Variants in IL20RA observed in about 807,000 individuals in gnomAD.
IL20RA encodes interleukin-20 receptor subunit alpha.
A neutral mutation model predicts 36.5 loss-of-function variants in IL20RA; 29 were observed. The ratio of observed to expected loss-of-function variants is 0.79; its 90% CI spans 0.59 to 1.08. The LOEUF (loss-of-function observed/expected upper bound fraction) is 1.08, where lower values mean the gene tolerates loss of function less well. Ranked by LOEUF, IL20RA falls within the 50% of genes least tolerant of loss-of-function variation. The pLI, the probability that IL20RA is intolerant of heterozygous loss-of-function variation, is 0.00. For missense variants in IL20RA, 652 were observed against 668.4 expected (o/e 0.98, Z 0.27); for synonymous variants, 279 against 267.1 (o/e 1.04, Z -0.43).
chr6:137,027,297 G>A (rs1445876328), intron 1 of IL20RA, among the ~76,000 whole-genome samples: 2 of 152,214 alleles, frequency 1.3e-5, no homozygotes, highest in African/African-American at 4.8e-5. Flanking sequence ...GCTAGCATTA[G>A]TTCCGTTGCA....
chr6:137,002,048 G>T lies in IL20RA; in HGVS notation c.1172C>A (p.Thr391Lys). 1.2e-6 allele frequency: 2 copies of T among 1,614,168 alleles called. No individual in the cohort carries two copies. The highest frequency in any genetic ancestry group is 1.1e-5 in the South Asian group (1 of 91,078). Residue 391 changes from threonine to lysine, a missense_variant, in exon 7 of 7, where the codon ACA becomes AAA. Physicochemically the swap from Thr to Lys is moderately conservative, Grantham distance 78 (BLOSUM62 -1). Coordinates refer to ENST00000316649, the MANE Select transcript of IL20RA (RefSeq NM_014432.4). ...SLTQQESLSR[T>K]IPPDKTVIEY... ...AATGACTGTTTTATCCGGGGGTATT[G>T]TTCTGCTGAGGGACTCTTGCTGGGT...
At position 137,001,905 on chromosome 6, in the gene IL20RA, C is replaced by A. The variant is rs1775065987; in HGVS notation, c.1315G>T (p.Ala439Ser). ...TGTAACGTTTGCGGGCCCAAGACTG[C>A]CAACGCTGCCTGCGACTCCAATAAT... ...GTLLESQAAL[A>S]VLGPQTLQYS... The change falls in exon 7 of 7, where the codon GCA becomes TCA. Residue 439 changes from alanine (A) to serine (S), a missense_variant. Physicochemically the swap from Ala to Ser is moderately conservative, Grantham distance 99 (BLOSUM62 1). Coordinates refer to ENST00000316649, the MANE Select transcript of IL20RA (RefSeq NM_014432.4). The A allele has an allele frequency of 6.2e-7, 1 of 1,613,834 alleles. No individual in the cohort carries two copies. Among genetic ancestry groups the A allele is most frequent in the Non-Finnish European group, 8.5e-7 (1 of 1,179,948 alleles).
At position 137,008,695 on chromosome 6, in the gene IL20RA, G is replaced by A; in HGVS notation, c.628C>T (p.Pro210Ser). The A allele has an allele frequency of 6.2e-7, 1 of 1,606,728 alleles. No homozygotes were observed. The highest frequency in any genetic ancestry group is 8.5e-7 in the Non-Finnish European group (1 of 1,176,624). The part of the protein sequence containing the change: ...NHTLVLTWLE[P>S]NTLYCVHVES... ...ACGTGTACGCAGTAAAGAGTGTTCG[G>A]CTCCAGCCAGGTGAGCACCAGCGTG... The change falls in exon 5 of 7, where the codon CCG (proline) becomes TCG (serine). Residue 210 changes from proline (P) to serine (S), a missense_variant. Pro to Ser is a moderately conservative substitution (Grantham distance 74). Coordinates refer to ENST00000316649, the MANE Select transcript of IL20RA (RefSeq NM_014432.4).
intron 5 of IL20RA, among the ~76,000 whole-genome samples, chr6:137,007,340 A>G (rs1775314708): frequency 6.6e-6 from 1 of 152,242 alleles, no homozygotes. Context: ...ACAGGTACTC[A>G]CAAAGTTCCC....
intron 1 of IL20RA, among the ~76,000 whole-genome samples, chr6:137,042,293 C>T (rs1582845567): frequency 6.6e-6 from 1 of 152,120 alleles, no homozygotes; most frequent in African/African-American, 2.4e-5. Flanking sequence ...CAGGAGTTGG[C>T]CACACAGGAT....
At chr6:137,006,006 A>C (rs1775264418) in intron 5 of IL20RA, among the ~76,000 whole-genome samples, 1 of 152,138 alleles carries the variant, frequency 6.6e-6, no homozygotes, top group African/African-American at 2.4e-5. Flanking sequence ...TTCTCTGGAG[A>C]ATCCTGACTG....
chr6:137,042,958 C>T (rs1776755998), intron 1 of IL20RA: 2 of 152,202 alleles, frequency 1.3e-5, no homozygotes, highest in Middle Eastern at 3.4e-3. Flanking sequence ...ACGGGAATAC[C>T]CTAAGAAGAG....
At chr6:137,014,816 G>A (rs116183522) in intron 2 of IL20RA, among the ~76,000 whole-genome samples, 66 of 151,828 alleles carry the variant, frequency 4.3e-4, no homozygotes, top group African/African-American at 1.6e-3. Context: ...TGAATTCCAT[G>A]CATGCTACCA....
intron 1 of IL20RA, among the ~76,000 whole-genome samples, chr6:137,021,903 A>G (rs1381047941): frequency 6.6e-6 from 1 of 152,118 alleles, no homozygotes; most frequent in Non-Finnish European, 1.5e-5. Context: ...TAACAGCCCT[A>G]TGGTAGGTAC....
intron 1 of IL20RA, among the ~76,000 whole-genome samples, chr6:137,033,300 A>G (rs1776363717): frequency 6.6e-6 from 1 of 152,222 alleles, no homozygotes; most frequent in Non-Finnish European, 1.5e-5. Context: ...CAAGGACACC[A>G]GTCCACCCTA....
At chr6:137,022,675 T>A (rs1371501270) in intron 1 of IL20RA, among the ~76,000 whole-genome samples, 1 of 152,226 alleles carries the variant, frequency 6.6e-6, no homozygotes, top group East Asian at 1.9e-4. Context: ...TACTTCAGAA[T>A]GTGACCTATT....
rs1033353293 is a variant in IL20RA at position 137,011,166 on chromosome 6, A to G, written c.403+108T>C. On this transcript the variant is annotated intron_variant, in intron 3 of 6. Coordinates refer to ENST00000316649, the MANE Select transcript of IL20RA (RefSeq NM_014432.4). The stretch of plus-strand genomic sequence containing the variant: ...CACTCAACCCACTGGTCCAGAATAC[A>G]GCCAAGCAGAGTACCTTCCTCTGGG... The G allele has an allele frequency of 1.5e-5, 13 of 866,342 alleles. No individual in the cohort carries two copies. In the African/African-American group the frequency reaches 2.0e-4, roughly 13 times the overall value. The allele number at this position is 866,342 out of a possible 1,614,324, so 53.7% of individuals were successfully genotyped here.
Position 137,044,758 on chromosome 6 carries a change from G to T in IL20RA, c.-30C>A. Reference sequence around the variant, plus strand: ...GGCGGGGCTGGGTCACATGTCGGGGGGCAGCAGACTGCTCAGTCCCACGCC... The same window carrying T: ...GGCGGGGCTGGGTCACATGTCGGGGTGCAGCAGACTGCTCAGTCCCACGCC... On this transcript the variant is annotated 5_prime_UTR_variant, in exon 1 of 7. Transcript: ENST00000316649. The T allele has an allele frequency of 8.3e-7, 1 of 1,211,868 alleles. No homozygotes were observed. Among genetic ancestry groups the T allele is most frequent in the African/African-American group, 1.6e-5 (1 of 63,614 alleles). 75.1% of individuals were successfully genotyped at this position (1,211,868 alleles called of 1,614,324 possible). A position where few individuals can be genotyped will look rare whatever the true frequency, so the allele number is the denominator to read the frequency against.
In IL20RA at chr6:137,008,733, C is replaced by T; in HGVS notation, c.590G>A (p.Cys197Tyr). Residue 197 changes from cysteine to tyrosine, a missense_variant, in exon 5 of 7, where the codon TGT becomes TAT. Cys to Tyr is a radical substitution (Grantham distance 194). Coordinates refer to ENST00000316649, the MANE Select transcript of IL20RA (RefSeq NM_014432.4). ...NTKSNRTWSQCVTNHTLVLTW... is the reference protein window; with the variant it reads ...NTKSNRTWSQYVTNHTLVLTW... The stretch of plus-strand genomic sequence containing the variant: ...GAGCACCAGCGTGTGGTTGGTCACA[C>T]ACTGGGACCACTAGGATAGGGAATT... 1 of 1,596,942 alleles carries T rather than the reference C, an allele frequency of 6.3e-7. No homozygotes were observed. Among genetic ancestry groups the T allele is most frequent in the Non-Finnish European group, 8.5e-7 (1 of 1,172,178 alleles).
chr6:137,017,500 C>T (rs952500676), intron 1 of IL20RA, among the ~76,000 whole-genome samples: 2 of 152,248 alleles, frequency 1.3e-5, no homozygotes, highest in South Asian at 4.1e-4. Context: ...GTGAGATCAG[C>T]AGAAGAATCA....
At chr6:137,035,758 G>T (rs1188339612) in intron 1 of IL20RA, among the ~76,000 whole-genome samples, 2 of 152,226 alleles carry the variant, frequency 1.3e-5, no homozygotes, top group Non-Finnish European at 2.9e-5. Context: ...ATTATGGGCT[G>T]CATGTGATAT....
chr6:137,008,892 A>G (rs1158580532), intron 4 of IL20RA, 149 bp from the exon 5 acceptor site: 1 of 423,440 alleles, frequency 2.4e-6, no homozygotes, highest in Non-Finnish European at 3.8e-6. Flanking sequence ...TTTTTCAGCA[A>G]CAGTTTCAAT....
intron 1 of IL20RA, chr6:137,044,198 G>C: frequency 1.0e-6 from 1 of 987,070 alleles, no homozygotes; most frequent in Non-Finnish European, 1.2e-6. Context: ...CAGGACTGCG[G>C]GGCCCGGCGG....
chr6:137,040,714 A>C (rs183647686), intron 1 of IL20RA, among the ~76,000 whole-genome samples: 11 of 152,366 alleles, frequency 7.2e-5, no homozygotes, highest in Admixed American at 4.6e-4. Flanking sequence ...CAATTGAATA[A>C]ATACCTAAAA....
Sources: gnomAD v4.1 joint callset for allele counts (sites outside exome capture counted in the v4.1 genomes callset) on GRCh38, gnomAD v4.1.1 for gene constraint, MANE v1.5 for transcripts, NCBI Gene and HGNC (gene_info 2026-07-23, HGNC 2026-07-21) for gene names.